Variants in PAK2 observed in about 807,000 individuals in gnomAD.
PAK2 encodes serine/threonine-protein kinase PAK 2.
Under a neutral mutation model 65.9 loss-of-function variants are expected in PAK2, and 21 were observed. The observed-to-expected ratio is 0.32, with a 90% CI of 0.23 to 0.46. PAK2 has a LOEUF of 0.46. Ranked by LOEUF, PAK2 falls within the 20% of genes least tolerant of loss-of-function variation. PAK2 has a pLI of 1.00. For missense variants in PAK2, 324 were observed against 642.6 expected, an observed-to-expected ratio of 0.50 and a Z score of 5.36; for synonymous variants, 204 against 219.7, an observed-to-expected ratio of 0.93 and a Z score of 0.63.
In PAK2 at chr3:196,807,924, C is replaced by G. The variant is rs1173168827; in HGVS notation, c.709+10C>G. On this transcript the variant is annotated intron_variant, in intron 7 of 14. Transcript: ENST00000327134. ...ATTATGGAGAAATTAAGTATGTTAT[C>G]TACATTTTACATCATTGTTAAATTG... The G allele has an allele frequency of 1.3e-6, 2 of 1,585,570 alleles. No homozygotes were observed. The highest frequency in any genetic ancestry group is 1.7e-6 in the Non-Finnish European group (2 of 1,156,982).
intron 13 of PAK2, among the ~76,000 whole-genome samples, chr3:196,826,581 A>G (rs936955688): frequency 6.6e-6 from 1 of 151,974 alleles, no homozygotes; most frequent in African/African-American, 2.4e-5. Flanking sequence ...AGGATGGTCA[A>G]TGGTGAGGTT....
intron 2 of PAK2, among the ~76,000 whole-genome samples, chr3:196,792,838 A>G (rs1272537844): frequency 6.6e-6 from 1 of 152,036 alleles, no homozygotes; most frequent in Non-Finnish European, 1.5e-5. Flanking sequence ...CACACGGTCA[A>G]AGAGAAAAAG....
chr3:196,778,196 AGG>A (rs1229262014), intron 1 of PAK2, among the ~76,000 whole-genome samples: 12 of 152,040 alleles, frequency 7.9e-5, no homozygotes, highest in African/African-American at 2.7e-4. Context: ...TTAGTGTTCG[AGG>A]GTCATCCATG....
intron 13 of PAK2, among the ~76,000 whole-genome samples, chr3:196,822,274 A>G (rs1199165584): frequency 6.6e-6 from 1 of 152,238 alleles, no homozygotes; most frequent in Admixed American, 6.5e-5. Flanking sequence ...CTCTTACAGA[A>G]CTTGTCTTCT....
chr3:196,810,303 T>C (rs924852202), intron 7 of PAK2, among the ~76,000 whole-genome samples: 5 of 152,110 alleles, frequency 3.3e-5, no homozygotes, highest in Admixed American at 3.3e-4. Flanking sequence ...GTGACCATTA[T>C]TGAGCAAATG....
chr3:196,753,931 A>G lies in PAK2; in HGVS notation c.-22+13774A>G, dbSNP rs76561995. Among the ~76,000 whole-genome samples, 913 of 152,160 alleles carry G rather than the reference A, an allele frequency of 6.0e-3. 10 individuals carry two copies. The highest frequency in any genetic ancestry group is 0.019 in the African/African-American group (800 of 41,526). On this transcript the variant is annotated intron_variant, in intron 1 of 14. Coordinates refer to ENST00000327134, the MANE Select transcript of PAK2 (RefSeq NM_002577.4). ...ACTTTTGGTGATTACTTTTGTTTCA[A>G]TTGTTCTGTTTCCTTCCTTGAAAAC...
chr3:196,811,751 G>A (rs1044100853), intron 8 of PAK2, among the ~76,000 whole-genome samples: 1 of 152,008 alleles, frequency 6.6e-6, no homozygotes, highest in Middle Eastern at 3.2e-3. Flanking sequence ...ATTAGACAAA[G>A]TATATTTTAT....
In PAK2 at chr3:196,762,657, G is replaced by A. The variant is rs532090977; in HGVS notation, c.-21-19969G>A. 4.3e-3 allele frequency among the ~76,000 whole-genome samples: 653 copies of A among 151,686 alleles called. 4 individuals are homozygous for A. The highest frequency in any genetic ancestry group is 0.015 in the African/African-American group (619 of 41,374). Reference sequence around the variant, plus strand: ...AGCAGTACAGTCCAGCTTCGGCTCCGCATGAGAGGGAGACCGTGGGGAGAG... The same window carrying A: ...AGCAGTACAGTCCAGCTTCGGCTCCACATGAGAGGGAGACCGTGGGGAGAG... On this transcript the variant is annotated intron_variant, in intron 1 of 14. Transcript: ENST00000327134.
intron 1 of PAK2, among the ~76,000 whole-genome samples, chr3:196,743,593 A>G (rs1713278018): frequency 6.6e-6 from 1 of 152,132 alleles, no homozygotes; most frequent in African/African-American, 2.4e-5. Flanking sequence ...CACACCTGTA[A>G]TCACAACACA....
At chr3:196,770,345 A>C (rs151019311) in intron 1 of PAK2, among the ~76,000 whole-genome samples, 30 of 151,984 alleles carry the variant, frequency 2.0e-4, no homozygotes, top group African/African-American at 7.0e-4. Flanking sequence ...TTTTATTAAT[A>C]ATATATATCA....
intron 2 of PAK2, among the ~76,000 whole-genome samples, chr3:196,800,974 G>A (rs1013811257): frequency 6.6e-6 from 1 of 152,008 alleles, no homozygotes; most frequent in Non-Finnish European, 1.5e-5. Context: ...GAGGGAGGGG[G>A]TAGGGGGAAG....
intron 1 of PAK2, among the ~76,000 whole-genome samples, chr3:196,780,159 C>T (rs1276841718): frequency 6.6e-6 from 1 of 152,222 alleles, no homozygotes; most frequent in Non-Finnish European, 1.5e-5. Flanking sequence ...TCAGCACTGC[C>T]TTAGATCCTG....
At chr3:196,780,417 G>C (rs113598807) in intron 1 of PAK2, among the ~76,000 whole-genome samples, 30 of 152,334 alleles carry the variant, frequency 2.0e-4, no homozygotes, top group African/African-American at 7.0e-4. Flanking sequence ...CACGTCTTAC[G>C]TGGATGGTGG....
At chr3:196,745,904 A>G (rs1312624794) in intron 1 of PAK2, among the ~76,000 whole-genome samples, 1 of 149,898 alleles carries the variant, frequency 6.7e-6, no homozygotes, top group East Asian at 1.9e-4. Flanking sequence ...AAACGTCTTT[A>G]TTTTGTTTTC....
chr3:196,792,348 A>T (rs1715100660), intron 2 of PAK2, among the ~76,000 whole-genome samples: 1 of 152,240 alleles, frequency 6.6e-6, no homozygotes, highest in Non-Finnish European at 1.5e-5. Context: ...TGTTGAGTGC[A>T]CGACCTCAAA....
chr3:196,803,501 G>T (rs1362898167), intron 4 of PAK2, among the ~76,000 whole-genome samples: 2 of 152,050 alleles, frequency 1.3e-5, no homozygotes, highest in African/African-American at 4.8e-5. Flanking sequence ...AGGAAAAGAC[G>T]CTGGTTGATA....
At chr3:196,774,361 C>T (rs925868263) in intron 1 of PAK2, among the ~76,000 whole-genome samples, 3 of 152,152 alleles carry the variant, frequency 2.0e-5, no homozygotes, top group Admixed American at 2.0e-4. Flanking sequence ...TAAAACAAGG[C>T]AGATGGACTA....
chr3:196,756,406 C>T (rs113060665), intron 1 of PAK2, among the ~76,000 whole-genome samples: 30 of 152,300 alleles, frequency 2.0e-4, no homozygotes, highest in African/African-American at 6.7e-4. Context: ...GTCCCCCTTT[C>T]CAGTGCGTTC....
intron 2 of PAK2, among the ~76,000 whole-genome samples, chr3:196,788,205 A>G (rs1022518759): frequency 3.3e-5 from 5 of 152,234 alleles, no homozygotes; most frequent in Non-Finnish European, 5.9e-5. Flanking sequence ...TGCTCAGTAC[A>G]TCATCTTGAA....
Sources: gnomAD v4.1 joint callset for allele counts (sites outside exome capture counted in the v4.1 genomes callset) on GRCh38, gnomAD v4.1.1 for gene constraint, MANE v1.5 for transcripts, NCBI Gene and HGNC (gene_info 2026-07-23, HGNC 2026-07-21) for gene names.